The following PUDP variants were observed in gnomAD, a reference collection of about 807,000 sequenced individuals.
PUDP encodes pseudouridine 5'-phosphatase.
A neutral mutation model predicts 9.4 loss-of-function variants in PUDP; 8 were observed. The ratio of observed to expected loss-of-function variants is 0.85; its 90% CI spans 0.50 to 1.53. The LOEUF (loss-of-function observed/expected upper bound fraction) is 1.53. Among genes scored for constraint, PUDP ranks in the 40% most tolerant of loss-of-function variants. The pLI, the probability that PUDP is intolerant of heterozygous loss-of-function variation, is 0.00. For missense variants in PUDP, 188 were observed against 189.7 expected, an observed-to-expected ratio of 0.99 and a Z score of 0.05; for synonymous variants, 99 against 80.7, an observed-to-expected ratio of 1.23 and a Z score of -1.22.
intron 3 of PUDP, among the ~76,000 whole-genome samples, chrX:6,878,654 G>A (rs1246758652): frequency 8.9e-6 from 1 of 112,118 alleles, no homozygotes; most frequent in Admixed American, 9.5e-5. Flanking sequence ...CACCACACCT[G>A]GTCTTCATGA....
At chrX:6,795,343 G>A (rs1336199480) in intron 3 of PUDP, among the ~76,000 whole-genome samples, 1 of 111,932 alleles carries the variant, frequency 8.9e-6, no homozygotes, top group Non-Finnish European at 1.9e-5. Flanking sequence ...CTTCATTGAT[G>A]TTGGCAGAAG....
intron 3 of PUDP, among the ~76,000 whole-genome samples, chrX:6,814,207 C>T (rs1171790328): frequency 9.0e-6 from 1 of 111,484 alleles, no homozygotes; most frequent in Non-Finnish European, 1.9e-5. Flanking sequence ...CCAATGACTT[C>T]CTCATTTGTG....
chrX:6,712,456 C>T (rs1924544671), intron 1 of PUDP, among the ~76,000 whole-genome samples: 1 of 112,106 alleles, frequency 8.9e-6, no homozygotes, highest in African/African-American at 3.2e-5. Flanking sequence ...AGCCTATGAG[C>T]CAAATTCTAG....
At chrX:6,816,223 C>T (rs1926230972) in intron 3 of PUDP, among the ~76,000 whole-genome samples, 2 of 105,596 alleles carry the variant, frequency 1.9e-5, no homozygotes, top group Non-Finnish European at 3.9e-5. Flanking sequence ...TACATATATA[C>T]ACTATATGCA....
chrX:6,822,669 C>A (rs1926362420), intron 3 of PUDP, among the ~76,000 whole-genome samples: 1 of 105,105 alleles, frequency 9.5e-6, no homozygotes, highest in Non-Finnish European at 1.9e-5. Flanking sequence ...TCGTGATCCA[C>A]CCGCCTCGGC....
intron 1 of PUDP, among the ~76,000 whole-genome samples, chrX:7,117,309 T>C (rs2146911480): frequency 8.9e-6 from 1 of 111,897 alleles, no homozygotes; most frequent in South Asian, 3.7e-4. Flanking sequence ...ATGCTGATAG[T>C]GATATGGATG....
chrX:6,868,905 C>A, intron 3 of PUDP, among the ~76,000 whole-genome samples: 1 of 112,070 alleles, frequency 8.9e-6, no homozygotes, highest in Non-Finnish European at 1.9e-5. Context: ...TCCTCATTTA[C>A]TTTTCTAATC....
intron 3 of PUDP, among the ~76,000 whole-genome samples, chrX:6,808,156 T>A (rs780823932): frequency 1.8e-5 from 2 of 111,468 alleles, no homozygotes; most frequent in South Asian, 7.6e-4. Flanking sequence ...CCCAGCCTTC[T>A]TGTATTAAAA....
rs1157666199 is a variant in PUDP at position 7,015,664 on chromosome X, T to G, written c.205-37321A>C. Among the ~76,000 whole-genome samples the G allele has an allele frequency of 2.7e-5, 3 of 111,340 alleles. No individual in the cohort carries two copies. The East Asian group carries it at 8.5e-4, about 32-fold the overall frequency. On this transcript the variant is annotated intron_variant and NMD_transcript_variant, in intron 1 of 3. Transcript: ENST00000655425. ...ATCCATGGTTCACCACAGCCTCAAA[T>G]TCCTGGACTCAAGCAATCTGCCAGT... is the stretch of plus-strand genomic sequence containing the variant.
intron 1 of PUDP, among the ~76,000 whole-genome samples, chrX:7,021,426 A>C (rs180858613): frequency 1.8e-5 from 2 of 110,506 alleles, no homozygotes; most frequent in Non-Finnish European, 3.8e-5. Context: ...CCTTTAATGC[A>C]CCCCCCCTTA....
intron 1 of PUDP, chrX:7,112,922 C>T (rs1388917805): frequency 8.9e-6 from 1 of 112,470 alleles, no homozygotes; most frequent in Admixed American, 9.4e-5. Context: ...TATGGACTCC[C>T]AAAGTGCTGG....
chrX:7,059,554 T>C (rs1053391827), intron 3 of PUDP, among the ~76,000 whole-genome samples: 4 of 112,013 alleles, frequency 3.6e-5, no homozygotes, highest in African/African-American at 1.3e-4. Flanking sequence ...CGGTTTTGTG[T>C]GTTTAGAGGG....
intron 3 of PUDP, among the ~76,000 whole-genome samples, chrX:6,839,028 G>A (rs766098279): frequency 8.9e-6 from 1 of 111,955 alleles, no homozygotes; most frequent in South Asian, 3.7e-4. Context: ...TTGGTTCAGA[G>A]AATAAACACA....
upstream of PUDP, among the ~76,000 whole-genome samples, chrX:6,724,359 C>G (rs112039568): frequency 0.013 from 1,467 of 110,740 alleles, 21 homozygotes; most frequent in African/African-American, 0.045. Flanking sequence ...CAAACTTATA[C>G]TTCATAAAAC....
At chrX:6,837,503 A>G (rs1456168470) in intron 3 of PUDP, among the ~76,000 whole-genome samples, 2 of 113,030 alleles carry the variant, frequency 1.8e-5, no homozygotes, top group Non-Finnish European at 3.7e-5. Flanking sequence ...CAGCATGTGC[A>G]TACGCACACA....
At chrX:6,726,764 TACATAAAC>T (rs751310154) in intron 3 of PUDP, among the ~76,000 whole-genome samples, 1 of 111,385 alleles carries the variant, frequency 9.0e-6, no homozygotes, top group South Asian at 3.8e-4. Context: ...TTCCTGGAAA[TACATAAAC>T]ACTTGGAGAT....
intron 3 of PUDP, among the ~76,000 whole-genome samples, chrX:6,813,828 A>C (rs1926184061): frequency 9.0e-6 from 1 of 111,612 alleles, no homozygotes; most frequent in African/African-American, 3.3e-5. Context: ...AGCAATTGTC[A>C]GGGATTGGTC....
At chrX:7,077,664 G>A (rs904610349) in intron 2 of PUDP, among the ~76,000 whole-genome samples, 11 of 112,331 alleles carry the variant, frequency 9.8e-5, no homozygotes, top group African/African-American at 3.2e-4. Flanking sequence ...AGCTATTGGC[G>A]GTTGAGCGAT....
chrX:6,821,463 A>T lies in PUDP; in HGVS notation c.*248-114997T>A, dbSNP rs553657644. Among the ~76,000 whole-genome samples, 40 of 110,982 alleles carry T rather than the reference A, an allele frequency of 3.6e-4. No individual in the cohort carries two copies. In the South Asian group the frequency reaches 0.014, roughly 40 times the overall value. ...ATATCCTGAACCCCAGCACTCACTT[A>T]TTGGCATTTGGGAAAACAGGCAGAG... On this transcript the variant is annotated intron_variant and NMD_transcript_variant, in intron 3 of 3. Transcript: ENST00000655425.
Sources: gnomAD v4.1 joint callset for allele counts (sites outside exome capture counted in the v4.1 genomes callset) on GRCh38, gnomAD v4.1.1 for gene constraint, MANE v1.5 for transcripts, NCBI Gene and HGNC (gene_info 2026-07-23, HGNC 2026-07-21) for gene names.